The following THOC1 variants were observed in gnomAD, a reference collection of about 807,000 sequenced individuals.
The protein encoded by THOC1 is THO complex subunit 1.
Under a neutral mutation model 97.3 loss-of-function variants are expected in THOC1, and 29 were observed. That is an observed-to-expected ratio of 0.30 (90% confidence interval 0.22 to 0.41). THOC1 has a LOEUF of 0.41. Among genes scored for constraint, THOC1 ranks in the 10% least tolerant of loss-of-function variants. The probability of loss-of-function intolerance (pLI) is 1.00; values close to 1 mark genes in which losing one functional copy is unlikely to be tolerated. For synonymous variants in THOC1, 255 were observed against 257.0 expected, an observed-to-expected ratio of 0.99 and a Z score of 0.07; for missense variants, 529 against 761.9, an observed-to-expected ratio of 0.69 and a Z score of 3.60.
intron 11 of THOC1, among the ~76,000 whole-genome samples, chr18:229,189 T>C (rs1911397490): frequency 1.3e-5 from 2 of 152,178 alleles, no homozygotes; most frequent in Non-Finnish European, 2.9e-5. Flanking sequence ...ATCAACTAAC[T>C]GCCCTGGTTT....
At chr18:253,146 G>A (rs990715485) in intron 8 of THOC1, among the ~76,000 whole-genome samples, 13 of 152,176 alleles carry the variant, frequency 8.5e-5, no homozygotes, top group African/African-American at 1.2e-4. Flanking sequence ...GGGAAAAAGG[G>A]CAGGCATTCT....
At chr18:266,058 A>T (rs965891593) in intron 1 of THOC1, among the ~76,000 whole-genome samples, 5 of 152,158 alleles carry the variant, frequency 3.3e-5, no homozygotes, top group African/African-American at 1.2e-4. Context: ...TCCCACACCC[A>T]TGTCAGGTCT....
chr18:232,625 G>T (rs1299997238), intron 11 of THOC1, among the ~76,000 whole-genome samples: 2 of 151,488 alleles, frequency 1.3e-5, no homozygotes, highest in African/African-American at 4.9e-5. Context: ...CTGTGTAGGG[G>T]GCCATATTTA....
intron 11 of THOC1, among the ~76,000 whole-genome samples, chr18:239,158 T>C (rs1911810168): frequency 6.6e-6 from 1 of 152,204 alleles, no homozygotes; most frequent in African/African-American, 2.4e-5. Flanking sequence ...TACTGAAAAT[T>C]ATATGAATTT....
intron 11 of THOC1, among the ~76,000 whole-genome samples, chr18:235,114 G>A (rs1414348994): frequency 5.7e-5 from 8 of 139,728 alleles, no homozygotes; most frequent in African/African-American, 1.4e-4. Flanking sequence ...AGTCTATTTC[G>A]GTCATTAAAA....
chr18:225,017 A>C, intron 14 of THOC1, 23 bp from the exon 15 acceptor site: 1 of 1,566,228 alleles, frequency 6.4e-7, no homozygotes, highest in Non-Finnish European at 8.7e-7. Context: ...AAGCGATTAC[A>C]TTTTGGTTAG....
At chr18:261,040 G>T (rs1912589757) in intron 4 of THOC1, 1 of 152,080 alleles carries the variant, frequency 6.6e-6, no homozygotes, top group Non-Finnish European at 1.5e-5. Flanking sequence ...TTTGTGATTT[G>T]AAAAGATTAT....
chr18:263,253 T>TG lies in THOC1; in HGVS notation c.256+772_256+773insC, dbSNP rs1197510368. Among the ~76,000 whole-genome samples the TG allele has an allele frequency of 1.4e-3, 209 of 151,394 alleles. 2 individuals carry two copies. Among genetic ancestry groups the TG allele is most frequent in the African/African-American group, 4.3e-3 (179 of 41,268 alleles). On this transcript the variant is annotated intron_variant, in intron 4 of 20. Transcript: ENST00000261600. The stretch of plus-strand genomic sequence containing the variant: ...CCGACACCGCGCCCGGCTAATTTTT[T>TG]TATTTTTAGTAGAGACGGGGTTTCA...
At chr18:218,802 A>AAG in intron 18 of THOC1, 84 bp downstream of exon 18, 1 of 1,141,574 alleles carries the variant, frequency 8.8e-7, no homozygotes, top group Non-Finnish European at 1.3e-6. Flanking sequence ...TGCCTCTCTT[A>AAG]AGAGGCTTTC....
intron 1 of THOC1, 101 bp from the exon 2 acceptor site, chr18:265,631 G>T: frequency 1.1e-6 from 1 of 921,308 alleles, no homozygotes; most frequent in South Asian, 1.8e-5. Context: ...ACTAAAAAAT[G>T]CTTATACCTG....
intron 9 of THOC1, among the ~76,000 whole-genome samples, chr18:250,425 T>C (rs1385308525): frequency 6.6e-6 from 1 of 152,192 alleles, no homozygotes; most frequent in Non-Finnish European, 1.5e-5. Flanking sequence ...TAACCAATTA[T>C]TGTATTTGCA....
intron 11 of THOC1, among the ~76,000 whole-genome samples, chr18:239,191 G>A (rs1053059622): frequency 6.6e-6 from 1 of 151,966 alleles, no homozygotes; most frequent in Admixed American, 6.6e-5. Context: ...TACGCTATCC[G>A]GTAAAGTTTT....
intron 11 of THOC1, among the ~76,000 whole-genome samples, chr18:233,076 A>G (rs1040473647): frequency 1.3e-5 from 2 of 152,150 alleles, no homozygotes; most frequent in African/African-American, 4.8e-5. Flanking sequence ...TACTAAATTG[A>G]TATTTTTCCC....
At chr18:258,352 C>A (rs989039952) in intron 7 of THOC1, among the ~76,000 whole-genome samples, 1 of 151,784 alleles carries the variant, frequency 6.6e-6, no homozygotes, top group Non-Finnish European at 1.5e-5. Context: ...AAACACAGAC[C>A]TGCACTGAAG....
chr18:249,018 G>A (rs1912187819), intron 9 of THOC1, among the ~76,000 whole-genome samples: 1 of 152,120 alleles, frequency 6.6e-6, no homozygotes, highest in African/African-American at 2.4e-5. Context: ...CCAAAGTGCT[G>A]GGATTACAGG....
chr18:240,318 C>CA (rs1233374704), intron 11 of THOC1, among the ~76,000 whole-genome samples: 3 of 152,198 alleles, frequency 2.0e-5, no homozygotes, highest in African/African-American at 7.2e-5. Context: ...TTGGTAGCAT[C>CA]AATCACTTTA....
At chr18:237,662 C>G (rs963856362) in intron 11 of THOC1, among the ~76,000 whole-genome samples, 1 of 152,070 alleles carries the variant, frequency 6.6e-6, no homozygotes, top group African/African-American at 2.4e-5. Context: ...TCGCTTTAAA[C>G]GTTAAACAAT....
intron 9 of THOC1, among the ~76,000 whole-genome samples, chr18:250,930 A>C (rs911919143): frequency 2.0e-5 from 3 of 152,272 alleles, no homozygotes; most frequent in Middle Eastern, 6.8e-3. Context: ...CTTGCCCCAG[A>C]GCCCTTATGT....
intron 16 of THOC1, 144 bp from the exon 17 acceptor site, chr18:223,649 G>T: frequency 1.6e-6 from 1 of 623,762 alleles, no homozygotes; most frequent in African/African-American, 1.9e-5. Flanking sequence ...ATAATTTTTG[G>T]TATTTAAAAT....
Sources: allele counts gnomAD v4.1 joint callset (sites outside exome capture counted in the v4.1 genomes callset), GRCh38; gene constraint gnomAD v4.1.1; transcripts MANE v1.5; gene names NCBI Gene and HGNC (gene_info 2026-07-23, HGNC 2026-07-21).